Variants in PTPRJ observed in about 807,000 individuals in gnomAD.
PTPRJ encodes protein tyrosine phosphatase receptor type J.
Under a neutral mutation model 141.3 loss-of-function variants are expected in PTPRJ, and 129 were observed. The observed-to-expected ratio is 0.91, with a 90% CI of 0.79 to 1.06. The LOEUF (loss-of-function observed/expected upper bound fraction) is 1.06, where lower values mean the gene tolerates loss of function less well. Among genes scored for constraint, PTPRJ ranks in the 50% least tolerant of loss-of-function variants. The pLI is 0.00. For synonymous variants in PTPRJ, 610 were observed against 640.5 expected, an observed-to-expected ratio of 0.95 and a Z score of 0.72; for missense variants, 1,601 against 1,679.7, an observed-to-expected ratio of 0.95 and a Z score of 0.82.
intron 1 of PTPRJ, among the ~76,000 whole-genome samples, chr11:47,992,779 G>A (rs989341785): frequency 1.3e-5 from 2 of 152,134 alleles, no homozygotes; most frequent in African/African-American, 4.8e-5. Flanking sequence ...AGAGTTTGCT[G>A]GTAAGTATTG....
intron 21 of PTPRJ, 112 bp from the exon 22 acceptor site, chr11:48,159,818 G>C (rs1267644577): frequency 7.3e-7 from 1 of 1,374,524 alleles, no homozygotes; most frequent in African/African-American, 1.5e-5. Context: ...CAACTAGAAG[G>C]TCTGATTCCA....
rs149045211 is a variant in PTPRJ, at chr11:48,021,021, A to G, written c.96+40013A>G. On this transcript the variant is annotated intron_variant, in intron 1 of 24. Coordinates refer to ENST00000418331, the MANE Select transcript of PTPRJ (RefSeq NM_002843.4). ...TTACTTTTTTAAGAGAATGCAGGGC[A>G]TTTTACTCTTCTGTGGTAGGAGAGT... Among the ~76,000 whole-genome samples the G allele has an allele frequency of 4.0e-3, 607 of 152,270 alleles. 6 individuals are homozygous for G. Among genetic ancestry groups the G allele is most frequent in the African/African-American group, 0.014 (582 of 41,550 alleles).
intron 21 of PTPRJ, 98 bp downstream of exon 21, chr11:48,156,217 A>G (rs1388699439): frequency 9.4e-7 from 1 of 1,068,910 alleles, no homozygotes; most frequent in East Asian, 2.6e-5. Flanking sequence ...CTTTAAAAAA[A>G]CTCAAACATT....
At chr11:48,050,374 G>A (rs1854534024) in intron 1 of PTPRJ, among the ~76,000 whole-genome samples, 2 of 152,026 alleles carry the variant, frequency 1.3e-5, no homozygotes, top group South Asian at 2.1e-4. Context: ...CCCCACCAGA[G>A]TGGAACAATC....
At chr11:47,983,994 C>G (rs1853980780) in intron 1 of PTPRJ, among the ~76,000 whole-genome samples, 1 of 152,190 alleles carries the variant, frequency 6.6e-6, no homozygotes, top group African/African-American at 2.4e-5. Context: ...CCTCTTTAAA[C>G]TGCTTGTTAG....
intron 1 of PTPRJ, among the ~76,000 whole-genome samples, chr11:48,023,710 A>G (rs928704319): frequency 6.7e-6 from 1 of 149,222 alleles, no homozygotes; most frequent in African/African-American, 2.5e-5. Context: ...TGAACCTGGA[A>G]GGCAAAGATT....
chr11:48,005,382 A>G (rs997549343), intron 1 of PTPRJ, among the ~76,000 whole-genome samples: 8 of 151,890 alleles, frequency 5.3e-5, no homozygotes, highest in African/African-American at 1.9e-4. Context: ...CCTGGCAACC[A>G]CCAATTTGCT....
intron 1 of PTPRJ, among the ~76,000 whole-genome samples, chr11:48,018,032 A>C (rs922006936): frequency 6.6e-6 from 1 of 152,242 alleles, no homozygotes; most frequent in Non-Finnish European, 1.5e-5. Context: ...GAATGGATTC[A>C]TTTCTGATGA....
chr11:48,144,863 C>G lies in PTPRJ; in HGVS notation c.2764C>G (p.Leu922Val). Reference sequence around the variant, plus strand: ...CACACTTGGTTATTACAATGGGAAGCTGGAACCTCTGGGCTCCTACCGGTA... The same window carrying G: ...CACACTTGGTTATTACAATGGGAAGGTGGAACCTCTGGGCTCCTACCGGTA... ...STTLGYYNGKLEPLGSYRACV... is the reference protein window; with the variant it reads ...STTLGYYNGKVEPLGSYRACV... Residue 922 changes from leucine (L) to valine (V), a missense_variant, in exon 13 of 25, where the codon CTG becomes GTG. Leu to Val is a conservative substitution (Grantham distance 32). Coordinates refer to ENST00000418331, the MANE Select transcript of PTPRJ (RefSeq NM_002843.4). 1.2e-6 allele frequency: 2 copies of G among 1,614,192 alleles called. No homozygotes were observed. The highest frequency in any genetic ancestry group is 1.7e-6 in the Non-Finnish European group (2 of 1,180,026).
chr11:48,014,011 G>A (rs528857432), intron 1 of PTPRJ, among the ~76,000 whole-genome samples: 32 of 152,298 alleles, frequency 2.1e-4, no homozygotes, highest in African/African-American at 7.5e-4. Flanking sequence ...GAAGCCAGCT[G>A]TTTAGGTCTG....
At chr11:48,068,323 TC>T (rs148268659) in intron 1 of PTPRJ, among the ~76,000 whole-genome samples, 4,583 of 152,228 alleles carry the variant, frequency 0.03, 104 homozygotes, top group Non-Finnish European at 0.046. Context: ...TGAATTGTAA[TC>T]CCCATGTTTC....
chr11:48,027,215 G>A (rs1406045990), intron 1 of PTPRJ, among the ~76,000 whole-genome samples: 1 of 151,184 alleles, frequency 6.6e-6, no homozygotes, highest in African/African-American at 2.4e-5. Context: ...CACCGTGTTA[G>A]CCAGGATGGT....
In PTPRJ at chr11:48,144,465, T is replaced by G. The variant is rs537614021; in HGVS notation, c.2576-210T>G. Reference sequence around the variant, plus strand: ...TTTCTTGTCTGTAAAATGGAGACAATAAGCTTATGTGATGGGATTCATGGG... The same window carrying G: ...TTTCTTGTCTGTAAAATGGAGACAAGAAGCTTATGTGATGGGATTCATGGG... On this transcript the variant is annotated intron_variant, in intron 12 of 24. Coordinates refer to ENST00000418331, the MANE Select transcript of PTPRJ (RefSeq NM_002843.4). 3.2e-4 allele frequency among the ~76,000 whole-genome samples: 49 copies of G among 152,316 alleles called. 2 individuals are homozygous for G. In the South Asian group the frequency reaches 0.01, roughly 32 times the overall value.
intron 11 of PTPRJ, 22 bp from the exon 12 acceptor site, chr11:48,142,897 G>A (rs2134366992): frequency 5.0e-6 from 8 of 1,602,896 alleles, no homozygotes; most frequent in Non-Finnish European, 6.8e-6. Flanking sequence ...GGGTGATCAT[G>A]TTTTGTTTTG....
rs927685202 is a variant in PTPRJ, at chr11:47,980,578, G to C, written c.-335G>C. 2 of 982,900 alleles carry C rather than the reference G, an allele frequency of 2.0e-6. No individual in the cohort carries two copies. Among genetic ancestry groups the C allele is most frequent in the Non-Finnish European group, 2.4e-6 (2 of 829,008 alleles). The allele number at this position is 982,900 out of a possible 1,614,324, so 60.9% of individuals were successfully genotyped here. ...TGCAGCAGCCCCAGCCGCATGACGCGCGGAGGAGGCAGCGGGAGCAGCCGC... is the reference window on the plus strand; with the variant it reads ...TGCAGCAGCCCCAGCCGCATGACGCCCGGAGGAGGCAGCGGGAGCAGCCGC... On this transcript the variant is annotated 5_prime_UTR_variant, in exon 1 of 25. Transcript: ENST00000418331.
At chr11:48,061,106 A>G (rs1440355551) in intron 1 of PTPRJ, among the ~76,000 whole-genome samples, 2 of 152,118 alleles carry the variant, frequency 1.3e-5, no homozygotes, top group African/African-American at 2.4e-5. Context: ...CCTCCCAAGT[A>G]GCTGGGATTA....
chr11:48,037,433 G>A (rs1221361318), intron 1 of PTPRJ, among the ~76,000 whole-genome samples: 6 of 152,182 alleles, frequency 3.9e-5, no homozygotes, highest in African/African-American at 7.2e-5. Context: ...GTTTGAGTCT[G>A]TCTGGAAGCC....
At chr11:48,159,125 GTGTGTGTGTGT>G (rs1857696446) in intron 21 of PTPRJ, among the ~76,000 whole-genome samples, 2 of 136,646 alleles carry the variant, frequency 1.5e-5, no homozygotes, top group South Asian at 2.3e-4. Flanking sequence ...TATGTGGGGT[GTGTGTGTGTGT>G]GTGTGTGTGT....
At chr11:48,039,602 T>A (rs1854223097) in intron 1 of PTPRJ, among the ~76,000 whole-genome samples, 1 of 152,070 alleles carries the variant, frequency 6.6e-6, no homozygotes, top group African/African-American at 2.4e-5. Flanking sequence ...TCCCTACTCC[T>A]TTCCTGTCTC....
Sources: gnomAD v4.1 joint callset for allele counts (sites outside exome capture counted in the v4.1 genomes callset) on GRCh38, gnomAD v4.1.1 for gene constraint, MANE v1.5 for transcripts, NCBI Gene and HGNC (gene_info 2026-07-23, HGNC 2026-07-21) for gene names.